The following MAGED1 variants were observed in gnomAD, a reference collection of about 807,000 sequenced individuals.
MAGED1 encodes melanoma-associated antigen D1.
In MAGED1, 3 loss-of-function variants were observed where a neutral mutation model predicts 54.1. The ratio of observed to expected loss-of-function variants is 0.06; its 90% CI spans 0.03 to 0.14. The LOEUF is 0.14. MAGED1 is among the 10% of genes least tolerant of loss of function. The pLI, the probability that MAGED1 is intolerant of heterozygous loss-of-function variation, is 1.00. For missense variants in MAGED1, 485 were observed against 623.4 expected (o/e 0.78, Z 2.36); for synonymous variants, 217 against 227.3 (o/e 0.95, Z 0.41).
chrX:51,853,038 C>A (rs1284319419), intron 1 of MAGED1, among the ~76,000 whole-genome samples: 1 of 111,156 alleles, frequency 9.0e-6, no homozygotes, highest in Non-Finnish European at 1.9e-5. Context: ...TTGTACTTTC[C>A]GCCCTTTTGT....
intron 5 of MAGED1, 31 bp from the exon 6 acceptor site, chrX:51,897,516 G>T (rs782461167): frequency 1.8e-6 from 2 of 1,119,773 alleles, no homozygotes; most frequent in Non-Finnish European, 2.5e-6. Flanking sequence ...GCCCCCGCTC[G>T]GCTCAGATGG....
chrX:51,867,799 G>A lies in MAGED1; in HGVS notation c.-36-26470G>A, dbSNP rs781882341. Among the ~76,000 whole-genome samples, 4 of 112,129 alleles carry A rather than the reference G, an allele frequency of 3.6e-5. No homozygotes were observed. In the South Asian group the frequency reaches 1.1e-3, roughly 32 times the overall value. On this transcript the variant is annotated intron_variant, in intron 1 of 12. Transcript: ENST00000375772. ...TGTGGACAGAAAAGCAGGAGTGTTAGTCTATTTGAAGTTCTTCCACTTAGA... is the reference window on the plus strand; with the variant it reads ...TGTGGACAGAAAAGCAGGAGTGTTAATCTATTTGAAGTTCTTCCACTTAGA...
At chrX:51,898,806 C>T (rs1928878340) in intron 10 of MAGED1, 163 bp downstream of exon 10, 3 of 416,762 alleles carry the variant, frequency 7.2e-6, no homozygotes, top group Admixed American at 9.6e-5. Context: ...AGTTCAAGAC[C>T]AGCCTGGGCA....
intron 1 of MAGED1, among the ~76,000 whole-genome samples, chrX:51,867,781 A>T (rs1182837979): frequency 8.9e-6 from 1 of 112,266 alleles, no homozygotes; most frequent in African/African-American, 3.2e-5. Context: ...TTCTGTGGAC[A>T]GAAAAGCAGG....
In MAGED1 at chrX:51,901,737, T is replaced by C; in HGVS notation, c.2144T>C (p.Leu715Pro). 1 of 1,211,281 alleles carries C rather than the reference T, an allele frequency of 8.3e-7. No homozygotes were observed. Among genetic ancestry groups the C allele is most frequent in the Non-Finnish European group, 1.1e-6 (1 of 895,319 alleles). ...TGGGATGACATTGAGTTTGAGCTGC[T>C]GACCTGGGATGAGGAAGGAGATTTT... is the stretch of plus-strand genomic sequence containing the variant. ...WSWDDIEFEL[L>P]TWDEEGDFGD... Residue 715 changes from leucine to proline, a missense_variant, in exon 12 of 13, where the codon CTG (leucine) becomes CCG (proline). This residue lies in a region of MAGED1 where 186 missense variants were observed against 330.3 expected (regional missense o/e 0.56). Coordinates refer to ENST00000326587, the MANE Select transcript of MAGED1 (RefSeq NM_006986.4).
intron 1 of MAGED1, among the ~76,000 whole-genome samples, chrX:51,813,783 A>G (rs1419182083): frequency 9.0e-6 from 1 of 111,369 alleles, no homozygotes; most frequent in East Asian, 2.8e-4. Flanking sequence ...TTGGCTCACT[A>G]ATTGGTTCTG....
At chrX:51,888,873 G>A (rs1170534037), upstream of MAGED1, among the ~76,000 whole-genome samples, 1 of 112,270 alleles carries the variant, frequency 8.9e-6, no homozygotes, top group Non-Finnish European at 1.9e-5. Context: ...ATCTCAAAAT[G>A]TGACATATTG....
chrX:51,858,472 A>G (rs146385236), intron 1 of MAGED1, among the ~76,000 whole-genome samples: 7,379 of 112,009 alleles, frequency 0.066, 549 homozygotes, highest in African/African-American at 0.22. Context: ...AGACTTTATC[A>G]TATTTATATT....
upstream of MAGED1, among the ~76,000 whole-genome samples, chrX:51,891,183 G>A (rs192750694): frequency 5.2e-4 from 59 of 112,636 alleles, no homozygotes; most frequent in African/African-American, 1.7e-3. Flanking sequence ...CAACTTTTGA[G>A]TATGGAAGGA....
At chrX:51,879,221 T>A (rs962450899) in intron 1 of MAGED1, among the ~76,000 whole-genome samples, 1 of 111,774 alleles carries the variant, frequency 8.9e-6, no homozygotes, top group Non-Finnish European at 1.9e-5. Context: ...GAAGGAAAGC[T>A]TCATTTATTC....
upstream of MAGED1, among the ~76,000 whole-genome samples, chrX:51,889,567 G>A (rs1369186805): frequency 1.0e-5 from 1 of 95,873 alleles, no homozygotes; most frequent in African/African-American, 3.9e-5. Context: ...GGTGGAGGTT[G>A]TAGTGAGCTG....
chrX:51,823,446 A>G (rs1557356723), intron 1 of MAGED1, among the ~76,000 whole-genome samples: 1 of 110,555 alleles, frequency 9.0e-6, no homozygotes, highest in African/African-American at 3.3e-5. Context: ...AACCACTCCT[A>G]CTCTTTTTTG....
At chrX:51,823,670 G>C (rs1925726256) in intron 1 of MAGED1, among the ~76,000 whole-genome samples, 1 of 111,555 alleles carries the variant, frequency 9.0e-6, no homozygotes, top group Non-Finnish European at 1.9e-5. Context: ...TTTGTTATCT[G>C]TCCTCCTTAT....
At chrX:51,814,192 G>C (rs1790277518) in intron 1 of MAGED1, among the ~76,000 whole-genome samples, 1 of 111,550 alleles carries the variant, frequency 9.0e-6, no homozygotes, top group African/African-American at 3.3e-5. Context: ...GTGGCTTGCT[G>C]GGGTCTGGAC....
At chrX:51,889,060 G>C (rs1928339607), upstream of MAGED1, among the ~76,000 whole-genome samples, 1 of 110,770 alleles carries the variant, frequency 9.0e-6, no homozygotes, top group African/African-American at 3.3e-5. Flanking sequence ...GATTGCTGTG[G>C]TGTTTGTAGA....
At chrX:51,900,328 T>A (rs1166957373) in intron 11 of MAGED1, 32 bp downstream of exon 11, 6 of 1,107,468 alleles carry the variant, frequency 5.4e-6, no homozygotes, top group African/African-American at 1.8e-5. Flanking sequence ...CATTGATAGG[T>A]CAAGGGATGA....
chrX:51,859,991 T>G (rs1342388062), intron 1 of MAGED1, among the ~76,000 whole-genome samples: 2 of 108,599 alleles, frequency 1.8e-5, no homozygotes, highest in Non-Finnish European at 3.8e-5. Flanking sequence ...GATAGCCGGG[T>G]GCATTGGCTC....
At chrX:51,823,960 C>T (rs782731485) in intron 1 of MAGED1, among the ~76,000 whole-genome samples, 10 of 111,662 alleles carry the variant, frequency 9.0e-5, no homozygotes, top group Middle Eastern at 4.2e-3. Context: ...TCTTTTTGCA[C>T]TGTGTGTCCA....
intron 1 of MAGED1, among the ~76,000 whole-genome samples, chrX:51,883,772 GA>G (rs1928144698): frequency 9.0e-6 from 1 of 111,671 alleles, no homozygotes; most frequent in African/African-American, 3.3e-5. Context: ...AAAGAAATTG[GA>G]AATCTCTAAA....
Sources: allele counts gnomAD v4.1 joint callset (sites outside exome capture counted in the v4.1 genomes callset), GRCh38; gene constraint gnomAD v4.1.1; regional missense constraint gnomAD v4.1.1; transcripts MANE v1.5; gene names NCBI Gene and HGNC (gene_info 2026-07-23, HGNC 2026-07-21).